SLC9A6: variants seen among roughly 807,000 people sequenced by gnomAD.
SLC9A6 encodes the protein sodium/hydrogen exchanger 6.
In SLC9A6, 6 loss-of-function variants were observed where a neutral mutation model predicts 45.3. That is an observed-to-expected ratio of 0.13 (90% CI 0.07 to 0.26). The LOEUF (loss-of-function observed/expected upper bound fraction) is 0.26. Among genes scored for constraint, SLC9A6 ranks in the 10% least tolerant of loss-of-function variants. The pLI, the probability that SLC9A6 is intolerant of heterozygous loss-of-function variation, is 1.00. For missense variants in SLC9A6, 278 were observed against 503.7 expected (o/e 0.55, Z 4.29); for synonymous variants, 191 against 187.7 (o/e 1.02, Z -0.14).
At chrX:136,031,686 AC>A (rs2071324098) in intron 15 of SLC9A6, among the ~76,000 whole-genome samples, 1 of 111,791 alleles carries the variant, frequency 8.9e-6, no homozygotes, top group African/African-American at 3.3e-5. Flanking sequence ...TAAAAAAAAA[AC>A]AACCCTGTGG....
chrX:135,985,904 G>A, intron 2 of SLC9A6, 77 bp downstream of exon 2: 1 of 1,097,860 alleles, frequency 9.1e-7, no homozygotes, highest in Non-Finnish European at 1.2e-6. Context: ...TCCTCTGCTG[G>A]CCCTGCTCGG....
At chrX:136,035,259 A>G (rs1556621686) in intron 16 of SLC9A6, among the ~76,000 whole-genome samples, 2 of 112,201 alleles carry the variant, frequency 1.8e-5, no homozygotes, top group Non-Finnish European at 3.8e-5. Context: ...TCTTAAGTGT[A>G]CAGCTTAATG....
chrX:135,997,468 C>T (rs1488130947), intron 3 of SLC9A6, among the ~76,000 whole-genome samples: 5 of 90,295 alleles, frequency 5.5e-5, no homozygotes, highest in Non-Finnish European at 8.3e-5. Context: ...AGTGCACTGG[C>T]GCGATCTTGG....
chrX:136,047,000 T>C lies in SLC9A6; in HGVS notation c.*2276T>C, dbSNP rs1205292224. On this transcript the variant is annotated 3_prime_UTR_variant, in exon 18 of 18. Coordinates refer to ENST00000630721, the MANE Select transcript of SLC9A6 (RefSeq NM_001379110.1). ...TATCCTAGTTGTCCGTGTTTGGCAA[T>C]GTGCTGTTAAAGTAATAGACTTTTA... 8.9e-6 allele frequency: 1 copy of C among 112,850 alleles called. No homozygotes were observed. The allele number at this position is 112,850 out of a possible 1,213,427, so 9.3% of individuals were successfully genotyped here. A position where few individuals can be genotyped will look rare whatever the true frequency, so the allele number is the denominator to read the frequency against.
At chrX:136,024,251 C>T (rs1162723602) in intron 12 of SLC9A6, 79 bp from the exon 13 acceptor site, 28 of 1,037,143 alleles carry the variant, frequency 2.7e-5, no homozygotes, top group East Asian at 6.1e-5. Context: ...GTTTTTAGAA[C>T]GTGCTTTCTT....
At chrX:136,023,493 C>T (rs1341753380) in intron 12 of SLC9A6, among the ~76,000 whole-genome samples, 1 of 108,822 alleles carries the variant, frequency 9.2e-6, no homozygotes, top group Non-Finnish European at 1.9e-5. Context: ...TTTACCCATA[C>T]AGCATGGATG....
At chrX:136,003,975 TA>T (rs1330967118) in intron 7 of SLC9A6, among the ~76,000 whole-genome samples, 1 of 110,483 alleles carries the variant, frequency 9.1e-6, no homozygotes, top group African/African-American at 3.3e-5. Flanking sequence ...GAATGAGCAA[TA>T]TTTTTTATCT....
chrX:136,007,056 G>A (rs1441375403), intron 7 of SLC9A6, among the ~76,000 whole-genome samples: 1 of 110,915 alleles, frequency 9.0e-6, no homozygotes, highest in African/African-American at 3.3e-5. Context: ...TAGTAGAGGT[G>A]GGGTTTCACC....
intron 2 of SLC9A6, among the ~76,000 whole-genome samples, 178 bp from the exon 3 acceptor site, chrX:135,994,608 G>A (rs2089473874): frequency 9.0e-6 from 1 of 111,599 alleles, no homozygotes; most frequent in Admixed American, 9.6e-5. Context: ...TATGAAGATT[G>A]GGCTGTTTGT....
intron 11 of SLC9A6, 138 bp from the exon 12 acceptor site, chrX:136,022,448 G>A: frequency 2.5e-6 from 1 of 395,545 alleles, no homozygotes; most frequent in Non-Finnish European, 4.6e-6. Flanking sequence ...GTTGGACAGT[G>A]TTATGTTAGA....
intron 2 of SLC9A6, among the ~76,000 whole-genome samples, chrX:135,987,638 T>A (rs782041931): frequency 5.6e-4 from 61 of 109,910 alleles, no homozygotes; most frequent in Non-Finnish European, 9.1e-4. Flanking sequence ...CGCTGTTGCA[T>A]TTTTTTTCTT....
intron 16 of SLC9A6, among the ~76,000 whole-genome samples, chrX:136,034,408 C>T (rs1447545805): frequency 1.8e-5 from 2 of 111,567 alleles, no homozygotes; most frequent in Admixed American, 9.5e-5. Context: ...TCCACAAAAC[C>T]GGTCCCTGGT....
chrX:136,003,145 C>T lies in SLC9A6; in HGVS notation c.743+932C>T, dbSNP rs189262447. ...CTGGGATTACAGGCTCCTACCACCA[C>T]GCCCGGCTAATTTTTGTATTTTTAG... On this transcript the variant is annotated intron_variant, in intron 7 of 17. Coordinates refer to ENST00000630721, the MANE Select transcript of SLC9A6 (RefSeq NM_001379110.1). Among the ~76,000 whole-genome samples the T allele has an allele frequency of 9.1e-5, 10 of 110,199 alleles. No individual in the cohort carries two copies. The East Asian group carries it at 2.0e-3, about 22-fold the overall frequency.
At position 136,022,641 on chromosome X, in the gene SLC9A6, A is replaced by G. The variant is rs1556620032; in HGVS notation, c.1250A>G (p.Asn417Ser). ...ANIYPLSLLL[N>S]LGRRSKIGSN... ...ATTTACCCCTTGTCCCTCTTACTTA[A>G]TTTGGGTAGAAGAAGTAAGATTGGA... The change falls in exon 12 of 18, where the codon AAT becomes AGT. Residue 417 changes from asparagine (N) to serine (S), a missense_variant. Asn to Ser is a conservative substitution (Grantham distance 46, BLOSUM62 1). Transcript: ENST00000630721. 1 of 1,197,485 alleles carries G rather than the reference A, an allele frequency of 8.4e-7. No individual in the cohort carries two copies. The highest frequency in any genetic ancestry group is 1.1e-6 in the Non-Finnish European group (1 of 885,660).
intron 2 of SLC9A6, among the ~76,000 whole-genome samples, chrX:135,993,068 A>G (rs782419527): frequency 4.8e-4 from 54 of 112,286 alleles, no homozygotes; most frequent in Non-Finnish European, 7.9e-4. Context: ...TTTGTAGTTG[A>G]GGTATGTCCA....
intron 17 of SLC9A6, among the ~76,000 whole-genome samples, chrX:136,041,894 T>G (rs1449220805): frequency 9.0e-6 from 1 of 111,707 alleles, no homozygotes; most frequent in Non-Finnish European, 1.9e-5. Flanking sequence ...CCTGGTGGCT[T>G]CCTGGCTATC....
At chrX:136,028,111 A>G (rs2071260506) in intron 13 of SLC9A6, among the ~76,000 whole-genome samples, 1 of 112,022 alleles carries the variant, frequency 8.9e-6, no homozygotes, top group African/African-American at 3.2e-5. Flanking sequence ...GGGCCTCTTC[A>G]TTGTAGCACT....
At chrX:136,001,426 T>C (rs1556617376) in intron 6 of SLC9A6, among the ~76,000 whole-genome samples, 2 of 110,630 alleles carry the variant, frequency 1.8e-5, no homozygotes, top group South Asian at 7.7e-4. Context: ...AACTGAGCTA[T>C]GTGACTTAGT....
At chrX:136,035,211 T>C (rs1335664460) in intron 16 of SLC9A6, among the ~76,000 whole-genome samples, 1 of 111,796 alleles carries the variant, frequency 8.9e-6, no homozygotes, top group Admixed American at 9.5e-5. Context: ...TGATTTGTTA[T>C]AATTGAGCTA....
Sources: gnomAD v4.1 joint callset for allele counts (sites outside exome capture counted in the v4.1 genomes callset) on GRCh38, gnomAD v4.1.1 for gene constraint, MANE v1.5 for transcripts, NCBI Gene and HGNC (gene_info 2026-07-23, HGNC 2026-07-21) for gene names.